POLR1F: variants seen among roughly 807,000 people sequenced by gnomAD.
POLR1F encodes the protein DNA-directed RNA polymerase I subunit RPA43.
A neutral mutation model predicts 21.8 loss-of-function variants in POLR1F; 23 were observed. The observed-to-expected ratio is 1.05, with a 90% CI of 0.76 to 1.49. The LOEUF (loss-of-function observed/expected upper bound fraction) is 1.49, where lower values mean the gene tolerates loss of function less well. Among genes scored for constraint, POLR1F ranks in the 40% most tolerant of loss-of-function variants. POLR1F has a pLI of 0.00. For missense variants in POLR1F, 435 were observed against 412.1 expected, an observed-to-expected ratio of 1.06 and a Z score of -0.48; for synonymous variants, 162 against 152.8, an observed-to-expected ratio of 1.06 and a Z score of -0.45.
intron 2 of POLR1F, among the ~76,000 whole-genome samples, chr7:19,704,374 C>T (rs1280785749): frequency 6.6e-6 from 1 of 152,194 alleles, no homozygotes; most frequent in East Asian, 1.9e-4. Context: ...GCTGCCCTGT[C>T]CTCTGTCATT....
At chr7:19,708,642 G>A (rs1783571029) in intron 1 of POLR1F, 121 bp downstream of exon 1, 4 of 1,379,520 alleles carry the variant, frequency 2.9e-6, no homozygotes, top group Admixed American at 2.1e-5. Context: ...AGAAATCCAG[G>A]GGGCTAAGCT....
chr7:19,708,729 G>C, intron 1 of POLR1F, 34 bp downstream of exon 1: 2 of 1,584,222 alleles, frequency 1.3e-6, no homozygotes, highest in Non-Finnish European at 1.7e-6. Flanking sequence ...TACTTCCCGT[G>C]CACAAAAGAA....
Position 19,698,459 on chromosome 7 carries a change from G to A in POLR1F, c.874C>T (p.Pro292Ser), listed in dbSNP as rs751602102. The A allele has an allele frequency of 6.2e-7, 1 of 1,612,022 alleles. No individual in the cohort carries two copies. The highest frequency in any genetic ancestry group is 8.5e-7 in the Non-Finnish European group (1 of 1,179,430). Residue 292 changes from proline (P) to serine (S), a missense_variant, in exon 4 of 4, where the codon CCT becomes TCT. Physicochemically the swap from Pro to Ser is moderately conservative, Grantham distance 74. Transcript: ENST00000222567. The stretch of plus-strand genomic sequence containing the variant: ...CTGGAGTCACTGCCTTGGAAAACAG[G>A]GTCCTGGTCCTGAACTTCCTGGTGC... The part of the protein sequence containing the change: ...KKHQEVQDQD[P>S]VFQGSDSSGY...
At chr7:19,700,396 G>T in intron 2 of POLR1F, 116 bp from the exon 3 acceptor site, 1 of 764,170 alleles carries the variant, frequency 1.3e-6, no homozygotes, top group Non-Finnish European at 2.1e-6. Flanking sequence ...CAAATTAATG[G>T]TCTAATTTAA....
chr7:19,706,412 A>G (rs1474280563), intron 1 of POLR1F, among the ~76,000 whole-genome samples: 1 of 152,154 alleles, frequency 6.6e-6, no homozygotes, highest in East Asian at 1.9e-4. Context: ...TCTCTCAAGT[A>G]TCAGAGTGAT....
chr7:19,704,778 C>A lies in POLR1F; in HGVS notation c.396+1G>T. 1 of 1,589,928 alleles carries A rather than the reference C, an allele frequency of 6.3e-7. No homozygotes were observed. The highest frequency in any genetic ancestry group is 8.5e-7 in the Non-Finnish European group (1 of 1,173,488). On this transcript the variant is annotated splice_donor_variant, in intron 2 of 3. Coordinates refer to ENST00000222567, the MANE Select transcript of POLR1F (RefSeq NM_001002926.2). LOFTEE classifies it high-confidence loss of function. ...GAGCTAGAAAAAAGTGATACACATA[C>A]CATAAGCTTCTGCCCTGGTTCAGGG... is the stretch of plus-strand genomic sequence containing the variant.
chr7:19,704,431 T>C (rs934325379), intron 2 of POLR1F, among the ~76,000 whole-genome samples: 1 of 152,246 alleles, frequency 6.6e-6, no homozygotes, highest in African/African-American at 2.4e-5. Context: ...CTGTTTCATA[T>C]ACTGCTATAT....
At chr7:19,701,745 G>C (rs115438851) in intron 2 of POLR1F, among the ~76,000 whole-genome samples, 1 of 152,268 alleles carries the variant, frequency 6.6e-6, no homozygotes, top group African/African-American at 2.4e-5. Context: ...ATTGCCCCCA[G>C]TGATATTTAC....
At position 19,708,879 on chromosome 7, in the gene POLR1F, T is replaced by G. The variant is rs145010775; in HGVS notation, c.138A>C (p.Ser46=). ...AACALVNSRY[S]CLVAGPHQRH... is the part of the protein sequence containing the mutation. ...TTTGGTGCGGCCCGGCCACCAGGCA[T>G]GAGTAGCGACTGTTCACCAGCGCAC... Residue 46 remains serine, a synonymous_variant, in exon 1 of 4, where the codon TCA becomes TCC. Transcript: ENST00000222567. 5.0e-5 allele frequency: 80 copies of G among 1,614,126 alleles called. No homozygotes were observed. In the African/African-American group the frequency reaches 9.2e-4, roughly 19 times the overall value.
rs2128005892 is a variant in POLR1F at position 19,698,229 on chromosome 7, A to G, written c.*87T>C. ...TTTCTGTTTTGTAAACTACTGGCAT[A>G]CTTAACCTTTTCATATCACTGAAAA... On this transcript the variant is annotated 3_prime_UTR_variant, in exon 4 of 4. Transcript: ENST00000222567. The G allele has an allele frequency of 7.8e-7, 1 of 1,283,476 alleles. No individual in the cohort carries two copies. The allele number at this position is 1,283,476 out of a possible 1,614,324, so 79.5% of individuals were successfully genotyped here. A position where few individuals can be genotyped will look rare whatever the true frequency, so the allele number is the denominator to read the frequency against.
In POLR1F at chr7:19,697,216, A is replaced by G. The variant is rs1034061183; in HGVS notation, c.*1100T>C. ...CCCTTTTTTTCATACCACTTAATACAATTATTAATTTTCTTATTTATTGTG... is the reference window on the plus strand; with the variant it reads ...CCCTTTTTTTCATACCACTTAATACGATTATTAATTTTCTTATTTATTGTG... On this transcript the variant is annotated 3_prime_UTR_variant, in exon 4 of 4. Transcript: ENST00000222567. 6.6e-6 allele frequency: 1 copy of G among 152,120 alleles called. No individual in the cohort carries two copies. The highest frequency in any genetic ancestry group is 1.5e-5 in the Non-Finnish European group (1 of 67,978). 9.4% of individuals were successfully genotyped at this position (152,120 alleles called of 1,614,324 possible). A position where few individuals can be genotyped will look rare whatever the true frequency, so the allele number is the denominator to read the frequency against.
chr7:19,702,276 C>A lies in POLR1F; in HGVS notation c.397-1996G>T, dbSNP rs375615571. 1.9e-4 allele frequency among the ~76,000 whole-genome samples: 29 copies of A among 152,136 alleles called. No homozygotes were observed. In the East Asian group the frequency reaches 4.8e-3, roughly 25 times the overall value. On this transcript the variant is annotated intron_variant, in intron 2 of 3. Transcript: ENST00000222567. ...ACTCTCCATTCAATTTTTCTGTAAA[C>A]CTAAAACTGCTGTTAAAAATATGTC...
chr7:19,706,285 C>A (rs1583403522), intron 1 of POLR1F, among the ~76,000 whole-genome samples: 1 of 152,230 alleles, frequency 6.6e-6, no homozygotes, highest in East Asian at 1.9e-4. Context: ...CTGGAATCAT[C>A]CTATCACTAA....
rs1783570440 is a variant in POLR1F, at chr7:19,708,611, T to C, written c.254+152A>G. The C allele has an allele frequency of 2.9e-6, 3 of 1,043,644 alleles. No homozygotes were observed. In the East Asian group the frequency reaches 7.2e-5, roughly 25 times the overall value. The allele number at this position is 1,043,644 out of a possible 1,614,324, so 64.6% of individuals were successfully genotyped here. Reference sequence around the variant, plus strand: ...ATCTTTACCAGAGCGGTACTGGCCTTGAGGGACGGATCGCGACTCTAGAAA... The same window carrying C: ...ATCTTTACCAGAGCGGTACTGGCCTCGAGGGACGGATCGCGACTCTAGAAA... On this transcript the variant is annotated intron_variant, in intron 1 of 3. Coordinates refer to ENST00000222567, the MANE Select transcript of POLR1F (RefSeq NM_001002926.2).
intron 2 of POLR1F, among the ~76,000 whole-genome samples, chr7:19,703,383 A>G (rs560206273): frequency 6.6e-6 from 1 of 152,346 alleles, no homozygotes; most frequent in East Asian, 1.9e-4. Flanking sequence ...ACCTGACGAA[A>G]TTCACTGAAC....
At chr7:19,699,303 C>G (rs1172691515) in intron 3 of POLR1F, among the ~76,000 whole-genome samples, 1 of 152,156 alleles carries the variant, frequency 6.6e-6, no homozygotes, top group Non-Finnish European at 1.5e-5. Flanking sequence ...GTAGCTTTCT[C>G]TCCAGAACTT....
chr7:19,706,917 G>A (rs188423645), intron 1 of POLR1F, among the ~76,000 whole-genome samples: 6 of 152,188 alleles, frequency 3.9e-5, no homozygotes, highest in Non-Finnish European at 7.4e-5. Flanking sequence ...TCAAAGTGTG[G>A]TGCCTGATTT....
chr7:19,698,386 C>T lies in POLR1F; in HGVS notation c.947G>A (p.Ser316Asn). Reference protein sequence around the residue: ...HKKKKKKRKHSEEAEFTPPLK... With the variant: ...HKKKKKKRKHNEEAEFTPPLK... ...AGGTGGGGTAAATTCGGCCTCTTCA[C>T]TGTGTTTTCTTTTCTTTTTTTTCTT... Residue 316 changes from serine to asparagine, a missense_variant, in exon 4 of 4, where the codon AGT becomes AAT. Physicochemically the swap from Ser to Asn is conservative, Grantham distance 46. Coordinates refer to ENST00000222567, the MANE Select transcript of POLR1F (RefSeq NM_001002926.2). 2 of 1,597,364 alleles carry T rather than the reference C, an allele frequency of 1.3e-6. No individual in the cohort carries two copies. The highest frequency in any genetic ancestry group is 2.7e-5 in the African/African-American group (2 of 73,496).
At position 19,696,963 on chromosome 7, in the gene POLR1F, T is replaced by G. The variant is rs1263305519; in HGVS notation, c.*1353A>C. The G allele has an allele frequency of 1.3e-5, 2 of 152,116 alleles. No individual in the cohort carries two copies. The highest frequency in any genetic ancestry group is 4.8e-5 in the African/African-American group (2 of 41,442). The allele number at this position is 152,116 out of a possible 1,614,324, so 9.4% of individuals were successfully genotyped here. The stretch of plus-strand genomic sequence containing the variant: ...TCCTTCCATTGTCTAGCACATCTAC[T>G]TGTAGACAATTGTGAACATCTGCCA... On this transcript the variant is annotated 3_prime_UTR_variant, in exon 4 of 4. Coordinates refer to ENST00000222567, the MANE Select transcript of POLR1F (RefSeq NM_001002926.2).
Sources: gnomAD v4.1 joint callset for allele counts (sites outside exome capture counted in the v4.1 genomes callset) on GRCh38, gnomAD v4.1.1 for gene constraint, MANE v1.5 for transcripts, NCBI Gene and HGNC (gene_info 2026-07-23, HGNC 2026-07-21) for gene names.